The following HIPK2 variants were observed in gnomAD, a reference collection of about 807,000 sequenced individuals.
HIPK2 encodes homeodomain-interacting protein kinase 2.
A neutral mutation model predicts 113.7 loss-of-function variants in HIPK2; 27 were observed. The ratio of observed to expected loss-of-function variants is 0.24; its 90% CI spans 0.17 to 0.33. The LOEUF (loss-of-function observed/expected upper bound fraction) is 0.33. Ranked by LOEUF, HIPK2 falls within the 10% of genes least tolerant of loss-of-function variation. HIPK2 has a pLI of 1.00. For missense variants in HIPK2, 1,257 were observed against 1,588.0 expected, an observed-to-expected ratio of 0.79 and a Z score of 3.54; for synonymous variants, 631 against 642.2, an observed-to-expected ratio of 0.98 and a Z score of 0.26.
At chr7:139,639,293 A>G (rs1800923579) in intron 2 of HIPK2, among the ~76,000 whole-genome samples, 1 of 152,220 alleles carries the variant, frequency 6.6e-6, no homozygotes. Flanking sequence ...CACCTGAAGC[A>G]TGTTGGATGG....
At position 139,573,043 on chromosome 7, in the gene HIPK2, T is replaced by C; in HGVS notation, c.3481A>G (p.Ser1161Gly). ...TGGGCAAATTGGGCTGGATACTGAC[T>C]CGGGTGGATGGTGGGCGAGGGCAGG... The part of the protein sequence containing the change: ...RVLPSPTIHP[S>G]QYPAQFAHQT... The change falls in exon 15 of 15, where the codon AGT becomes GGT. Residue 1161 changes from serine to glycine, a missense_variant. Ser to Gly is a moderately conservative substitution (Grantham distance 56, BLOSUM62 0). Coordinates refer to ENST00000406875, the MANE Select transcript of HIPK2 (RefSeq NM_022740.5). The C allele has an allele frequency of 6.2e-7, 1 of 1,612,498 alleles. No homozygotes were observed. Among genetic ancestry groups the C allele is most frequent in the Non-Finnish European group, 8.5e-7 (1 of 1,179,418 alleles).
At chr7:139,691,101 G>T (rs1794391964) in intron 2 of HIPK2, among the ~76,000 whole-genome samples, 1 of 152,144 alleles carries the variant, frequency 6.6e-6, no homozygotes, top group Admixed American at 6.5e-5. Flanking sequence ...TCACTTTCAG[G>T]GACACAGTGT....
chr7:139,660,568 C>G (rs1030123257), intron 2 of HIPK2, among the ~76,000 whole-genome samples: 2 of 152,222 alleles, frequency 1.3e-5, no homozygotes, highest in African/African-American at 4.8e-5. Context: ...GCTGTTATTG[C>G]CATATGGCCT....
At chr7:139,709,907 A>G (rs1033581685) in intron 2 of HIPK2, among the ~76,000 whole-genome samples, 5 of 152,236 alleles carry the variant, frequency 3.3e-5, no homozygotes, top group Admixed American at 6.5e-5. Context: ...CCTCTAAGTC[A>G]ATTCTGCAAT....
intron 7 of HIPK2, among the ~76,000 whole-genome samples, chr7:139,614,989 C>T (rs1046417715): frequency 2.0e-5 from 3 of 152,194 alleles, no homozygotes; most frequent in African/African-American, 7.2e-5. Flanking sequence ...AAGCCCCATT[C>T]CATCCCACAA....
At chr7:139,751,703 T>C (rs898794271) in intron 1 of HIPK2, among the ~76,000 whole-genome samples, 7 of 151,898 alleles carry the variant, frequency 4.6e-5, no homozygotes, top group African/African-American at 1.7e-4. Context: ...ACTGCATGCA[T>C]TGAGAGATAT....
At chr7:139,624,946 T>C (rs1800375602) in intron 6 of HIPK2, among the ~76,000 whole-genome samples, 1 of 152,234 alleles carries the variant, frequency 6.6e-6, no homozygotes, top group African/African-American at 2.4e-5. Flanking sequence ...TCTGCCACCT[T>C]CTGCTCCAGC....
At chr7:139,642,912 A>C (rs766837044) in intron 2 of HIPK2, among the ~76,000 whole-genome samples, 4 of 152,144 alleles carry the variant, frequency 2.6e-5, no homozygotes, top group Non-Finnish European at 5.9e-5. Context: ...GAAGAAATTA[A>C]GGTGGAGAGC....
intron 6 of HIPK2, 116 bp from the exon 7 acceptor site, chr7:139,620,679 C>T: frequency 7.5e-7 from 1 of 1,340,564 alleles, no homozygotes; most frequent in Non-Finnish European, 1.0e-6. Flanking sequence ...GTAAACAGGA[C>T]AAGCAGGGAA....
intron 1 of HIPK2, among the ~76,000 whole-genome samples, chr7:139,769,029 C>G (rs17262676): frequency 2.0e-5 from 3 of 152,116 alleles, no homozygotes; most frequent in African/African-American, 4.8e-5. Flanking sequence ...CTGTGAAATG[C>G]GAGTGAGCCT....
chr7:139,626,049 C>T (rs1800414931), intron 6 of HIPK2, among the ~76,000 whole-genome samples: 1 of 152,082 alleles, frequency 6.6e-6, no homozygotes. Context: ...AGTGTGAAGC[C>T]AACTGCAGGC....
intron 1 of HIPK2, among the ~76,000 whole-genome samples, chr7:139,775,472 A>T (rs1205376095): frequency 6.6e-6 from 1 of 152,104 alleles, no homozygotes; most frequent in Non-Finnish European, 1.5e-5. Context: ...TGGGATGGGG[A>T]GGAAGATTAG....
At chr7:139,675,215 G>A (rs757762054) in intron 2 of HIPK2, among the ~76,000 whole-genome samples, 3 of 152,088 alleles carry the variant, frequency 2.0e-5, no homozygotes, top group Admixed American at 1.3e-4. Context: ...CCTGCTCAGT[G>A]ACTGTGTCAT....
intron 1 of HIPK2, among the ~76,000 whole-genome samples, chr7:139,758,070 C>T (rs191630236): frequency 9.9e-5 from 15 of 152,188 alleles, no homozygotes; most frequent in Non-Finnish European, 1.8e-4. Context: ...GATGTTAATT[C>T]CTCCTAAGAA....
chr7:139,616,617 C>G (rs1307470485), intron 7 of HIPK2, among the ~76,000 whole-genome samples: 1 of 152,248 alleles, frequency 6.6e-6, no homozygotes, highest in East Asian at 1.9e-4. Flanking sequence ...GTCCCACATG[C>G]CCCATTGTGA....
At chr7:139,626,474 C>T (rs1585295542) in intron 6 of HIPK2, 127 bp downstream of exon 6, 6 of 947,754 alleles carry the variant, frequency 6.3e-6, no homozygotes, top group South Asian at 3.4e-5. Context: ...TCTGTGGCTG[C>T]TTTCAGCTAC....
intron 9 of HIPK2, among the ~76,000 whole-genome samples, chr7:139,612,238 A>G (rs1799857785): frequency 6.6e-6 from 1 of 152,230 alleles, no homozygotes; most frequent in South Asian, 2.1e-4. Flanking sequence ...AAACAACAAC[A>G]AAAACAACTT....
rs1392072618 is a variant in HIPK2 at position 139,571,010 on chromosome 7, G to A, written c.*1917C>T. On this transcript the variant is annotated 3_prime_UTR_variant, in exon 15 of 15. Transcript: ENST00000406875. Reference sequence around the variant, plus strand: ...CCAGAATGTATCAAAGGTGCAAAGAGGGCAAAGGGCAGATTTCTTTGGAAA... The same window carrying A: ...CCAGAATGTATCAAAGGTGCAAAGAAGGCAAAGGGCAGATTTCTTTGGAAA... 2.6e-5 allele frequency: 4 copies of A among 152,248 alleles called. No individual in the cohort carries two copies. The highest frequency in any genetic ancestry group is 6.5e-5 in the Admixed American group (1 of 15,284). 9.4% of individuals were successfully genotyped at this position (152,248 alleles called of 1,614,324 possible).
intron 1 of HIPK2, among the ~76,000 whole-genome samples, chr7:139,754,594 A>C (rs1195333335): frequency 1.3e-5 from 2 of 152,218 alleles, no homozygotes; most frequent in Non-Finnish European, 2.9e-5. Context: ...ATGTTAACTA[A>C]ACCTCTTACA....
Sources: gnomAD v4.1 joint callset for allele counts (sites outside exome capture counted in the v4.1 genomes callset) on GRCh38, gnomAD v4.1.1 for gene constraint, MANE v1.5 for transcripts, NCBI Gene and HGNC (gene_info 2026-07-23, HGNC 2026-07-21) for gene names.